The following PRDM15 variants were observed in gnomAD, a reference collection of about 807,000 sequenced individuals.
PRDM15 encodes PR/SET domain 15.
Under a neutral mutation model 128.6 loss-of-function variants are expected in PRDM15, and 64 were observed. The observed-to-expected ratio is 0.50, with a 90% confidence interval of 0.41 to 0.61. The LOEUF (loss-of-function observed/expected upper bound fraction) is 0.61. Ranked by LOEUF, PRDM15 falls within the 20% of genes least tolerant of loss-of-function variation. The probability of loss-of-function intolerance (pLI) is 0.00; values close to 1 mark genes in which losing one functional copy is unlikely to be tolerated. For missense variants in PRDM15, 1,242 were observed against 1,569.1 expected (o/e 0.79, Z 3.52); for synonymous variants, 615 against 621.8 (o/e 0.99, Z 0.16).
Position 41,857,342 on chromosome 21 carries a change from T to A in PRDM15, c.132-13A>T, listed in dbSNP as rs200297398. 3.1e-6 allele frequency: 5 copies of A among 1,613,466 alleles called. No homozygotes were observed. The highest frequency in any genetic ancestry group is 2.7e-5 in the African/African-American group (2 of 75,032). ...AGGAAGGGATGACCTGGAAATGGAA[T>A]AAAACAAGACTCAAAAGAGAGCACT... On this transcript the variant is annotated splice_polypyrimidine_tract_variant and intron_variant, in intron 3 of 23. Coordinates refer to ENST00000398548, the MANE Select transcript of PRDM15 (RefSeq NM_001040424.3).
intron 21 of PRDM15, among the ~76,000 whole-genome samples, chr21:41,809,950 C>T (rs900775337): frequency 2.6e-5 from 4 of 152,284 alleles, no homozygotes; most frequent in Non-Finnish European, 4.4e-5. Context: ...AGCAAAGGTC[C>T]GCCTGAGGCT....
Position 41,821,994 on chromosome 21 carries a change from C to T in PRDM15, c.1805G>A (p.Gly602Asp). 3 of 1,614,180 alleles carry T rather than the reference C, an allele frequency of 1.9e-6. No individual in the cohort carries two copies. Among genetic ancestry groups the T allele is most frequent in the Non-Finnish European group, 2.5e-6 (3 of 1,180,046 alleles). ...MDDHQREEFI[G>D]KIGISSEEND... The stretch of plus-strand genomic sequence containing the variant: ...TTCTTCCGAGGAGATCCCGATCTTG[C>T]CGATAAACTCTTCCCTCTGGTGGTC... The change falls in exon 15 of 24, where the codon GGC becomes GAC. Residue 602 changes from glycine (G) to aspartate (D), a missense_variant. This residue lies in a region of PRDM15 where 602 missense variants were observed against 788.3 expected (regional missense o/e 0.76). Coordinates refer to ENST00000398548, the MANE Select transcript of PRDM15 (RefSeq NM_001040424.3). The surrounding 1 kb of genome is among the most constrained non-coding windows in gnomAD (Gnocchi z 5.4).
chr21:41,829,605 C>CG (rs1274910041), intron 11 of PRDM15, among the ~76,000 whole-genome samples: 1 of 151,314 alleles, frequency 6.6e-6, no homozygotes, highest in Non-Finnish European at 1.5e-5. Flanking sequence ...CATACACTAT[C>CG]ACACACCACA....
At chr21:41,815,923 G>T in intron 18 of PRDM15, 87 bp from the exon 19 acceptor site, 1 of 1,556,198 alleles carries the variant, frequency 6.4e-7, no homozygotes, top group Non-Finnish European at 8.7e-7. Context: ...GCAGGCACAG[G>T]CAGCGGCCCG....
chr21:41,817,184 TG>T (rs145274873), intron 18 of PRDM15, among the ~76,000 whole-genome samples: 1,684 of 152,352 alleles, frequency 0.011, 17 homozygotes, highest in South Asian at 0.067. Context: ...ACTGGGATTG[TG>T]AGTCAATCCA....
intron 21 of PRDM15, among the ~76,000 whole-genome samples, chr21:41,807,802 A>G (rs1481415402): frequency 6.6e-6 from 1 of 152,206 alleles, no homozygotes; most frequent in Admixed American, 6.5e-5. Context: ...TTGGTTCGAG[A>G]ACAAAGACGG....
intron 21 of PRDM15, among the ~76,000 whole-genome samples, chr21:41,807,422 T>C (rs2061715303): frequency 6.6e-6 from 1 of 152,182 alleles, no homozygotes; most frequent in Admixed American, 6.5e-5. Context: ...CTCCTGAATC[T>C]GTGGCATCAC....
rs2063533539 is a variant in PRDM15 at position 41,854,881 on chromosome 21, C to T, written c.286-63G>A. ...GGCTGATTACCCATCTGTGTATCAGCGTGTGGGGGGCAGGTGCTGAGGAAC... is the reference window on the plus strand; with the variant it reads ...GGCTGATTACCCATCTGTGTATCAGTGTGTGGGGGGCAGGTGCTGAGGAAC... On this transcript the variant is annotated intron_variant, in intron 4 of 23. Transcript: ENST00000398548. The surrounding 1 kb of genome is among the most constrained non-coding windows in gnomAD (Gnocchi z 4.6). The T allele has an allele frequency of 1.0e-5, 16 of 1,540,820 alleles. No homozygotes were observed. Among genetic ancestry groups the T allele is most frequent in the Middle Eastern group, 1.7e-4 (1 of 5,808 alleles).
intron 18 of PRDM15, 151 bp from the exon 19 acceptor site, chr21:41,815,987 A>G (rs1353546007): frequency 1.1e-6 from 1 of 951,578 alleles, no homozygotes; most frequent in African/African-American, 1.6e-5. Flanking sequence ...TCAGTCCACC[A>G]GCGGTGAGAC....
intron 1 of PRDM15, among the ~76,000 whole-genome samples, chr21:41,863,783 G>A (rs1399070579): frequency 1.3e-5 from 2 of 151,912 alleles, no homozygotes; most frequent in East Asian, 3.8e-4. Flanking sequence ...GTGAGAAGGT[G>A]GACAGAAATC....
chr21:41,871,422 C>T (rs2064204870), intron 1 of PRDM15: 1 of 1,345,838 alleles, frequency 7.4e-7, no homozygotes, highest in Non-Finnish European at 9.8e-7. Flanking sequence ...TAAGCAGCAG[C>T]TGCCATTGTT....
intron 18 of PRDM15, 61 bp from the exon 19 acceptor site, chr21:41,815,897 T>C: frequency 6.3e-7 from 1 of 1,594,736 alleles, no homozygotes; most frequent in Non-Finnish European, 8.5e-7. Flanking sequence ...TGGGGGCCCA[T>C]GCCCGAGACC....
rs1370886892 is a variant in PRDM15 at position 41,832,462 on chromosome 21, C to T, written c.1366+2975G>A. ...CAGGCCACACCTTACAGCACTGTGG[C>T]ATCAGATCACCACAGGCCACACCTT... On this transcript the variant is annotated intron_variant, in intron 11 of 23. Coordinates refer to ENST00000398548, the MANE Select transcript of PRDM15 (RefSeq NM_001040424.3). This position sits in a 1 kb window ranked among gnomAD's most constrained non-coding sequence, Gnocchi z 4.2. Among the ~76,000 whole-genome samples, 1 of 152,016 alleles carries T rather than the reference C, an allele frequency of 6.6e-6. No homozygotes were observed. Among genetic ancestry groups the T allele is most frequent in the Non-Finnish European group, 1.5e-5 (1 of 67,994 alleles).
rs528973231 is a variant in PRDM15, at chr21:41,831,671, T to G, written c.1367-3338A>C. 3.5e-4 allele frequency among the ~76,000 whole-genome samples: 53 copies of G among 152,188 alleles called. 1 individual carries two copies. The South Asian group carries it at 0.011, about 31-fold the overall frequency. ...CGACAGCGAAGACAGGAGACAGCAG[T>G]GGGGAAATCTATGCCCCATGGGTGC... On this transcript the variant is annotated intron_variant, in intron 11 of 23. Transcript: ENST00000398548.
intron 16 of PRDM15, among the ~76,000 whole-genome samples, chr21:41,820,597 GACCC>G (rs1300906058): frequency 5.9e-5 from 9 of 152,224 alleles, no homozygotes; most frequent in African/African-American, 1.4e-4. Context: ...CCGCCACCGT[GACCC>G]CTGAGCTCCC....
chr21:41,819,389 C>T (rs572933597), intron 18 of PRDM15, among the ~76,000 whole-genome samples, 193 bp downstream of exon 18: 18 of 151,474 alleles, frequency 1.2e-4, no homozygotes, highest in South Asian at 2.1e-4. Context: ...AGCAGCTGAG[C>T]GGCCTGGCTG....
chr21:41,854,951 G>A lies in PRDM15; in HGVS notation c.286-133C>T, dbSNP rs1340751046. The A allele has an allele frequency of 1.9e-5, 19 of 981,732 alleles. No individual in the cohort carries two copies. Among genetic ancestry groups the A allele is most frequent in the South Asian group, 1.7e-4 (10 of 58,636 alleles). The allele number at this position is 981,732 out of a possible 1,614,324, so 60.8% of individuals were successfully genotyped here. ...TCAGAGGCCATAAGGGCTCCTGTAC[G>A]GGATGTTGAGGTGTTTACAATAGTG... On this transcript the variant is annotated intron_variant, in intron 4 of 23. Transcript: ENST00000398548. This position sits in a 1 kb window ranked among gnomAD's most constrained non-coding sequence, Gnocchi z 4.6.
chr21:41,836,461 G>T lies in PRDM15; in HGVS notation c.1183+7C>A. On this transcript the variant is annotated splice_region_variant and intron_variant, in intron 9 of 23. Coordinates refer to ENST00000398548, the MANE Select transcript of PRDM15 (RefSeq NM_001040424.3). ...CCCCGGGCGCCAGCCGGGCCTCGCG[G>T]ACTCACCATGCGAGCGCACGTGCCT... 6.2e-7 allele frequency: 1 copy of T among 1,605,296 alleles called. No homozygotes were observed. The highest frequency in any genetic ancestry group is 8.5e-7 in the Non-Finnish European group (1 of 1,174,436).
intron 18 of PRDM15, among the ~76,000 whole-genome samples, chr21:41,817,983 C>T (rs73375523): frequency 0.038 from 5,797 of 152,322 alleles, 352 homozygotes; most frequent in African/African-American, 0.13. Context: ...CCTCCCAGGG[C>T]ATCTGGTGGC....
Sources: allele counts gnomAD v4.1 joint callset (sites outside exome capture counted in the v4.1 genomes callset), GRCh38; gene constraint gnomAD v4.1.1; regional missense constraint gnomAD v4.1.1; non-coding constraint Gnocchi (gnomAD v3.1); transcripts MANE v1.5; gene names NCBI Gene and HGNC (gene_info 2026-07-23, HGNC 2026-07-21).